SLC2A13: variants seen among roughly 807,000 people sequenced by gnomAD.
SLC2A13 encodes the protein solute carrier family 2 member 13.
Under a neutral mutation model 64.4 loss-of-function variants are expected in SLC2A13, and 32 were observed. That is an observed-to-expected ratio of 0.50 (90% CI 0.37 to 0.67). The LOEUF is 0.67. Ranked by LOEUF, SLC2A13 falls within the 30% of genes least tolerant of loss-of-function variation. The pLI is 0.00. For missense variants in SLC2A13, 743 were observed against 829.2 expected, an observed-to-expected ratio of 0.90 and a Z score of 1.28; for synonymous variants, 338 against 327.1, an observed-to-expected ratio of 1.03 and a Z score of -0.36.
At chr12:39,995,951 C>A (rs1947221825) in intron 3 of SLC2A13, among the ~76,000 whole-genome samples, 1 of 152,202 alleles carries the variant, frequency 6.6e-6, no homozygotes, top group Non-Finnish European at 1.5e-5. Context: ...TCCACTAAAC[C>A]TCTTTCTTTT....
At chr12:39,838,518 AAAG>A (rs1412652773) in intron 6 of SLC2A13, among the ~76,000 whole-genome samples, 1 of 151,514 alleles carries the variant, frequency 6.6e-6, no homozygotes, top group Non-Finnish European at 1.5e-5. Flanking sequence ...AAAAAAAAAA[AAAG>A]AAAGGGAGAA....
At chr12:39,996,389 C>CA (rs1367207948) in intron 3 of SLC2A13, among the ~76,000 whole-genome samples, 1 of 152,128 alleles carries the variant, frequency 6.6e-6, no homozygotes, top group East Asian at 1.9e-4. Context: ...TGCAGCCTGA[C>CA]AATGTGGTAG....
intron 1 of SLC2A13, among the ~76,000 whole-genome samples, chr12:40,072,186 C>A (rs1398055483): frequency 6.6e-6 from 1 of 152,046 alleles, no homozygotes; most frequent in Non-Finnish European, 1.5e-5. Context: ...TGTTGTTTAA[C>A]CTGCAAGCAT....
rs755199353 is a variant in SLC2A13, at chr12:39,764,483, G to A, written c.1697C>T (p.Thr566Ile). ...NVLVSLTFLH[T>I]AEYLTYYGAF... Reference sequence around the variant, plus strand: ...ACCATAGTATGTAAGATACTCTGCTGTGTGTAAAAATGTTAGTGAAACCAG... The same window carrying A: ...ACCATAGTATGTAAGATACTCTGCTATGTGTAAAAATGTTAGTGAAACCAG... Residue 566 changes from threonine to isoleucine, a missense_variant, in exon 9 of 10, where the codon ACA (threonine) becomes ATA (isoleucine). This residue lies in a region of SLC2A13 where 295 missense variants were observed against 381.7 expected (regional missense o/e 0.77). Coordinates refer to ENST00000280871, the MANE Select transcript of SLC2A13 (RefSeq NM_052885.4). 6.2e-7 allele frequency: 1 copy of A among 1,601,986 alleles called. No homozygotes were observed. The highest frequency in any genetic ancestry group is 8.5e-7 in the Non-Finnish European group (1 of 1,176,538).
chr12:39,847,302 C>T (rs1943345407), intron 6 of SLC2A13, among the ~76,000 whole-genome samples: 1 of 152,100 alleles, frequency 6.6e-6, no homozygotes, highest in Non-Finnish European at 1.5e-5. Context: ...TTCTTCCCTC[C>T]TCCTTTTTAA....
At chr12:39,932,543 A>C (rs1945844859) in intron 4 of SLC2A13, among the ~76,000 whole-genome samples, 1 of 152,230 alleles carries the variant, frequency 6.6e-6, no homozygotes, top group South Asian at 2.1e-4. Flanking sequence ...AAAGGTTAAC[A>C]GTACAGATGG....
chr12:39,933,843 G>A (rs1184911056), intron 4 of SLC2A13, among the ~76,000 whole-genome samples: 3 of 152,166 alleles, frequency 2.0e-5, no homozygotes, highest in Admixed American at 2.0e-4. Context: ...ACACAACCCT[G>A]AAAAGTATCA....
chr12:39,883,964 G>A (rs1944408906), intron 4 of SLC2A13, among the ~76,000 whole-genome samples: 1 of 152,114 alleles, frequency 6.6e-6, no homozygotes, highest in Non-Finnish European at 1.5e-5. Flanking sequence ...CTATCTCCTG[G>A]TGGTGAGATT....
Position 39,764,827 on chromosome 12 carries a change from C to T in SLC2A13, c.1477G>A (p.Asp493Asn). The T allele has an allele frequency of 6.2e-7, 1 of 1,612,318 alleles. No homozygotes were observed. Among genetic ancestry groups the T allele is most frequent in the Non-Finnish European group, 8.5e-7 (1 of 1,179,074 alleles). ...CENETKFKTE[D>N]IFWAYNFCPT... The stretch of plus-strand genomic sequence containing the variant: ...CAGAAATTGTAAGCCCAAAATATAT[C>T]TTCTGTTTTGAACTTGGTTTCATTT... Residue 493 changes from aspartate to asparagine, a missense_variant, in exon 8 of 10, where the codon GAT becomes AAT. Asp to Asn is a conservative substitution (Grantham distance 23, BLOSUM62 1). Around this residue, in one of 2 missense-constraint regions of SLC2A13, gnomAD observed 295 missense variants for 381.7 expected, o/e 0.77. Coordinates refer to ENST00000280871, the MANE Select transcript of SLC2A13 (RefSeq NM_052885.4).
At chr12:39,968,693 T>G (rs1200212331) in intron 3 of SLC2A13, among the ~76,000 whole-genome samples, 1 of 148,190 alleles carries the variant, frequency 6.7e-6, no homozygotes, top group Non-Finnish European at 1.5e-5. Flanking sequence ...CTATACACAC[T>G]TTCCCATTAC....
chr12:39,907,931 C>G (rs558232382), intron 4 of SLC2A13: 1 of 143,776 alleles, frequency 7.0e-6, no homozygotes, highest in South Asian at 2.1e-4. Flanking sequence ...CACTTTCCAC[C>G]TTTACAACTA....
chr12:39,856,673 C>T (rs7960098), intron 6 of SLC2A13, among the ~76,000 whole-genome samples: 93,070 of 152,040 alleles, frequency 0.61, 28,688 homozygotes, highest in East Asian at 0.77. Context: ...AGCCCCTATG[C>T]TTTGTTTTTA....
At chr12:39,760,976 A>ACACACACACAC (rs1236073642) in intron 9 of SLC2A13, among the ~76,000 whole-genome samples, 5 of 150,254 alleles carry the variant, frequency 3.3e-5, no homozygotes, top group Non-Finnish European at 4.5e-5. Context: ...ACACACACAT[A>ACACACACACAC]ATTGAATTGC....
At chr12:39,970,527 T>C (rs944825617) in intron 3 of SLC2A13, among the ~76,000 whole-genome samples, 6 of 152,210 alleles carry the variant, frequency 3.9e-5, no homozygotes, top group Non-Finnish European at 8.8e-5. Context: ...CATTTCTTTG[T>C]TTCATTTCAG....
At chr12:39,821,445 G>A (rs1942507647) in intron 7 of SLC2A13, among the ~76,000 whole-genome samples, 1 of 152,056 alleles carries the variant, frequency 6.6e-6, no homozygotes, top group African/African-American at 2.4e-5. Context: ...CCTTCCACAG[G>A]AGAATCCAGG....
chr12:39,846,904 G>A (rs1161732347), intron 6 of SLC2A13, among the ~76,000 whole-genome samples: 3 of 152,144 alleles, frequency 2.0e-5, no homozygotes, highest in South Asian at 4.1e-4. Context: ...GGCAGATACT[G>A]TGACCATTCT....
At chr12:40,060,555 C>T (rs1490881258) in intron 1 of SLC2A13, among the ~76,000 whole-genome samples, 3 of 152,096 alleles carry the variant, frequency 2.0e-5, no homozygotes, top group Non-Finnish European at 2.9e-5. Flanking sequence ...AAGAAATAAT[C>T]GCTTTACTTT....
chr12:39,773,317 T>C (rs1940652965), intron 7 of SLC2A13, among the ~76,000 whole-genome samples: 1 of 152,100 alleles, frequency 6.6e-6, no homozygotes, highest in Non-Finnish European at 1.5e-5. Context: ...AGAGAACTAA[T>C]CCTTACCAGC....
At chr12:39,923,020 C>A (rs550212653) in intron 4 of SLC2A13, among the ~76,000 whole-genome samples, 1 of 151,944 alleles carries the variant, frequency 6.6e-6, no homozygotes, top group East Asian at 1.9e-4. Flanking sequence ...ACTAATGATA[C>A]AATGATCCTA....
Sources: allele counts gnomAD v4.1 joint callset (sites outside exome capture counted in the v4.1 genomes callset), GRCh38; gene constraint gnomAD v4.1.1; regional missense constraint gnomAD v4.1.1; transcripts MANE v1.5; gene names NCBI Gene and HGNC (gene_info 2026-07-23, HGNC 2026-07-21).